FGFR1: variants seen among roughly 807,000 people sequenced by gnomAD.
The protein encoded by FGFR1 is fibroblast growth factor receptor 1, also known as FGFR1/PLAG1 fusion.
FGFR1 carries 18 observed loss-of-function variants against 93.7 expected under a neutral mutation model. The ratio of observed to expected loss-of-function variants is 0.19; its 90% CI spans 0.13 to 0.28. The LOEUF (loss-of-function observed/expected upper bound fraction) is 0.28, where lower values mean the gene tolerates loss of function less well. Among genes scored for constraint, FGFR1 ranks in the 10% least tolerant of loss-of-function variants. FGFR1 has a pLI of 1.00. For synonymous variants in FGFR1, 448 were observed against 429.3 expected (o/e 1.04, Z -0.54); for missense variants, 731 against 1,080.4 (o/e 0.68, Z 4.53).
chr8:38,418,029 G>A (rs769928854), intron 10 of FGFR1, 38 bp from the exon 11 acceptor site: 3 of 1,613,766 alleles, frequency 1.9e-6, no homozygotes, highest in South Asian at 1.1e-5. Flanking sequence ...AGTTGGGGCT[G>A]GTGAAGTTCA....
Position 38,424,438 on chromosome 8 carries a change from G to A in FGFR1, c.936+71C>T, listed in dbSNP as rs763494474. 6.3e-7 allele frequency: 1 copy of A among 1,574,968 alleles called. No homozygotes were observed. The highest frequency in any genetic ancestry group is 8.7e-7 in the Non-Finnish European group (1 of 1,144,852). On this transcript the variant is annotated intron_variant, in intron 7 of 17. Transcript: ENST00000447712. This position sits in a 1 kb window ranked among gnomAD's most constrained non-coding sequence, Gnocchi z 4.3. ...TCGGGGGCAACTGAGCCTGCCCACA[G>A]GAACTTGAGCCCCCGAGACAGTGGT...
intron 2 of FGFR1, among the ~76,000 whole-genome samples, chr8:38,445,633 G>A (rs1829038435): frequency 2.6e-5 from 4 of 152,108 alleles, no homozygotes; most frequent in Admixed American, 2.0e-4. Context: ...CCGCCTCCTG[G>A]ATTCAAGTGC....
At chr8:38,449,572 CTT>C (rs1830417158) in intron 2 of FGFR1, among the ~76,000 whole-genome samples, 1 of 152,206 alleles carries the variant, frequency 6.6e-6, no homozygotes. Flanking sequence ...TAAGTCTACT[CTT>C]TGCGGAACTC....
intron 5 of FGFR1, among the ~76,000 whole-genome samples, chr8:38,427,283 T>C (rs1400528286): frequency 6.6e-6 from 1 of 152,108 alleles, no homozygotes. Context: ...ATAGGACTTT[T>C]TCTGTTGTTT....
chr8:38,452,179 CGACAGACA>C (rs1831266712), intron 2 of FGFR1, among the ~76,000 whole-genome samples: 1 of 141,612 alleles, frequency 7.1e-6, no homozygotes, highest in Non-Finnish European at 1.5e-5. Flanking sequence ...GAGGGGCTCC[CGACAGACA>C]CACAGACACA....
At chr8:38,462,792 T>C (rs1221736978) in intron 1 of FGFR1, among the ~76,000 whole-genome samples, 1 of 151,672 alleles carries the variant, frequency 6.6e-6, no homozygotes, top group Non-Finnish European at 1.5e-5. Context: ...TTAGTAGAAA[T>C]AGGGTTTCAC....
rs1835956659 is a variant in FGFR1, at chr8:38,468,241, C to T, written c.-349G>A. 4.4e-6 allele frequency: 1 copy of T among 228,618 alleles called. No homozygotes were observed. Among genetic ancestry groups the T allele is most frequent in the Admixed American group, 5.7e-5 (1 of 17,602 alleles). The allele number at this position is 228,618 out of a possible 1,614,324, so 14.2% of individuals were successfully genotyped here. A position where few individuals can be genotyped will look rare whatever the true frequency, so the allele number is the denominator to read the frequency against. ...GGCTCCCGTCCGCCACCCGGGGTCT[C>T]CAGACCTTGTGCCCCCCTCCTCCAG... is the stretch of plus-strand genomic sequence containing the variant. On this transcript the variant is annotated 5_prime_UTR_variant, in exon 1 of 18. Transcript: ENST00000447712.
intron 2 of FGFR1, among the ~76,000 whole-genome samples, chr8:38,448,425 G>T (rs1830058770): frequency 6.6e-6 from 1 of 152,114 alleles, no homozygotes; most frequent in Non-Finnish European, 1.5e-5. Flanking sequence ...GATTATAGGT[G>T]CGTGCCACCA....
intron 13 of FGFR1, 61 bp downstream of exon 13, chr8:38,415,809 A>T (rs1389323649): frequency 6.6e-7 from 1 of 1,522,214 alleles, no homozygotes; most frequent in Non-Finnish European, 9.1e-7. Context: ...CACAGGCTGG[A>T]AGACTAGGGG....
At position 38,426,757 on chromosome 8, in the gene FGFR1, C is replaced by T. The variant is rs976277927; in HGVS notation, c.622-512G>A. ...ACTGCAAAATTTTTATGGGCAGGAA[C>T]GCTATCTTGCAGCATTTAAAGCATG... On this transcript the variant is annotated intron_variant, in intron 5 of 17. Transcript: ENST00000447712. This position sits in a 1 kb window ranked among gnomAD's most constrained non-coding sequence, Gnocchi z 4.1. Among the ~76,000 whole-genome samples, 4 of 152,190 alleles carry T rather than the reference C, an allele frequency of 2.6e-5. No individual in the cohort carries two copies. The highest frequency in any genetic ancestry group is 9.7e-5 in the African/African-American group (4 of 41,438).
chr8:38,440,269 T>C (rs1826926478), intron 2 of FGFR1: 2 of 1,576,488 alleles, frequency 1.3e-6, no homozygotes, highest in Admixed American at 1.8e-5. Flanking sequence ...GTTTTTTTAT[T>C]ACGTATTTTG....
intron 2 of FGFR1, among the ~76,000 whole-genome samples, chr8:38,451,710 C>T (rs1198889277): frequency 2.0e-5 from 3 of 152,090 alleles, no homozygotes; most frequent in Non-Finnish European, 2.9e-5. Context: ...TAAAACTCAG[C>T]CCATTAAATC....
At chr8:38,414,699 G>T (rs983971417) in intron 14 of FGFR1, 70 bp from the exon 15 acceptor site, 21 of 1,612,918 alleles carry the variant, frequency 1.3e-5, no homozygotes, top group East Asian at 2.2e-5. Flanking sequence ...GGAAGGGACT[G>T]GGGGGTGGGT....
chr8:38,458,806 C>A (rs760761692), intron 1 of FGFR1: 27 of 221,032 alleles, frequency 1.2e-4, no homozygotes, highest in Non-Finnish European at 2.3e-4. Flanking sequence ...GTTCTACCAG[C>A]CTCCCTTGCA....
chr8:38,456,346 C>A (rs1043570244), intron 2 of FGFR1, among the ~76,000 whole-genome samples: 1 of 152,204 alleles, frequency 6.6e-6, no homozygotes, highest in Non-Finnish European at 1.5e-5. Context: ...CTTTCCACAG[C>A]TCACACAGAT....
intron 2 of FGFR1, among the ~76,000 whole-genome samples, chr8:38,436,218 TAAAAA>T (rs1825362962): frequency 6.6e-6 from 1 of 151,248 alleles, no homozygotes; most frequent in South Asian, 2.1e-4. Flanking sequence ...CTGCGAAAAA[TAAAAA>T]AATTAGCCAG....
chr8:38,447,568 A>AC (rs1304023867), intron 2 of FGFR1, among the ~76,000 whole-genome samples: 1 of 152,006 alleles, frequency 6.6e-6, no homozygotes, highest in East Asian at 1.9e-4. Flanking sequence ...TGCAACCTCC[A>AC]CCTCCTGGGT....
At chr8:38,446,203 AC>A (rs1554584506) in intron 2 of FGFR1, among the ~76,000 whole-genome samples, 1 of 83,936 alleles carries the variant, frequency 1.2e-5, no homozygotes, top group African/African-American at 4.5e-5. Context: ...GCCCTCTCCC[AC>A]CTTTTTTTTT....
chr8:38,415,941 G>A lies in FGFR1; in HGVS notation c.1783C>T (p.Leu595Phe). 6.2e-7 allele frequency: 1 copy of A among 1,614,132 alleles called. No individual in the cohort carries two copies. The highest frequency in any genetic ancestry group is 8.5e-7 in the Non-Finnish European group (1 of 1,180,012). ...CAGGACACCAGGTCCTTGGAGGAGA[G>A]CTGCTCCTCTGGGTTGTGGCTGGGG... ...YNPSHNPEEQ[L>F]SSKDLVSCAY... The change falls in exon 13 of 18, where the codon CTC becomes TTC. Residue 595 changes from leucine (L) to phenylalanine (F), a missense_variant. Physicochemically the swap from Leu to Phe is conservative, Grantham distance 22. Coordinates refer to ENST00000447712, the MANE Select transcript of FGFR1 (RefSeq NM_023110.3).
Sources: gnomAD v4.1 joint callset for allele counts (sites outside exome capture counted in the v4.1 genomes callset) on GRCh38, gnomAD v4.1.1 for gene constraint, Gnocchi (gnomAD v3.1) non-coding constraint, MANE v1.5 for transcripts, NCBI Gene and HGNC (gene_info 2026-07-23, HGNC 2026-07-21) for gene names.